CENPH: variants seen among roughly 807,000 people sequenced by gnomAD.
CENPH encodes centromere protein H.
A neutral mutation model predicts 42.9 loss-of-function variants in CENPH; 40 were observed. The ratio of observed to expected loss-of-function variants is 0.93; its 90% CI spans 0.72 to 1.21. CENPH has a LOEUF of 1.21. Ranked by LOEUF, CENPH falls within the 50% of genes most tolerant of loss-of-function variation. The probability of loss-of-function intolerance (pLI) is 0.00; values close to 1 mark genes in which losing one functional copy is unlikely to be tolerated. For missense variants in CENPH, 302 were observed against 292.9 expected, an observed-to-expected ratio of 1.03 and a Z score of -0.23; for synonymous variants, 88 against 96.5, an observed-to-expected ratio of 0.91 and a Z score of 0.52.
chr5:69,203,968 A>G (rs1748099421), intron 7 of CENPH, among the ~76,000 whole-genome samples: 1 of 141,296 alleles, frequency 7.1e-6, no homozygotes, highest in South Asian at 2.2e-4. Flanking sequence ...ATTTATATGG[A>G]CATGGAAATT....
chr5:69,208,494 G>A (rs570752058), intron 8 of CENPH, 135 bp downstream of exon 8: 3 of 524,888 alleles, frequency 5.7e-6, no homozygotes, highest in Non-Finnish European at 6.8e-6. Context: ...GAGTAGCTGG[G>A]ATTACAGGCG....
At chr5:69,192,048 T>C (rs529934363) in intron 2 of CENPH, among the ~76,000 whole-genome samples, 198 bp downstream of exon 2, 8 of 152,038 alleles carry the variant, frequency 5.3e-5, no homozygotes, top group Non-Finnish European at 1.2e-4. Context: ...ACTGCGCCCG[T>C]CTAATTTTCT....
At chr5:69,200,717 A>ATTTTTTTTTTT (rs1554058445) in intron 5 of CENPH, among the ~76,000 whole-genome samples, 2 of 40,976 alleles carry the variant, frequency 4.9e-5, no homozygotes, top group Non-Finnish European at 1.2e-4. Context: ...GAATCAGCGT[A>ATTTTTTTTTTT]TCTTTTTTTT....
intron 2 of CENPH, among the ~76,000 whole-genome samples, chr5:69,194,010 T>C (rs930859546): frequency 2.0e-5 from 3 of 152,118 alleles, no homozygotes; most frequent in African/African-American, 7.2e-5. Flanking sequence ...CAAGTACATA[T>C]CAAATGCTCA....
At chr5:69,199,851 G>GC (rs1748029270) in intron 5 of CENPH, among the ~76,000 whole-genome samples, 1 of 152,060 alleles carries the variant, frequency 6.6e-6, no homozygotes, top group Admixed American at 6.6e-5. Context: ...GGTGGCTCAC[G>GC]CCTGTAATCC....
chr5:69,204,034 T>TATATAAATATATATAATTTC (rs1460426166), intron 7 of CENPH, among the ~76,000 whole-genome samples: 4,758 of 62,076 alleles, frequency 0.077, 419 homozygotes, highest in African/African-American at 0.14. Context: ...ATATATATAA[T>TATATAAATATATATAATTTC]TATATATATT....
chr5:69,189,756 C>T lies in CENPH; in HGVS notation c.122C>T (p.Thr41Ile). The change falls in exon 1 of 9, where the codon ACC becomes ATC. Residue 41 changes from threonine to isoleucine, a missense_variant. Coordinates refer to ENST00000283006, the MANE Select transcript of CENPH (RefSeq NM_022909.4). ...AQAACSEDRMTLLLRLRAQTK... is the reference protein window; with the variant it reads ...AQAACSEDRMILLLRLRAQTK... ...GCGGCGTGCAGCGAGGACCGCATGA[C>T]CCTGCTCCTCAGGTTGTTCCCTTTG... The T allele has an allele frequency of 1.3e-6, 2 of 1,517,426 alleles. No homozygotes were observed. The highest frequency in any genetic ancestry group is 8.8e-7 in the Non-Finnish European group (1 of 1,136,704). The allele number at this position is 1,517,426 out of a possible 1,614,324, so 94.0% of individuals were successfully genotyped here. A position where few individuals can be genotyped will look rare whatever the true frequency, so the allele number is the denominator to read the frequency against.
chr5:69,189,660 A>T lies in CENPH; in HGVS notation c.26A>T (p.Asp9Val), dbSNP rs1747830133. The change falls in exon 1 of 9, where the codon GAC becomes GTC. Residue 9 changes from aspartate to valine, a missense_variant. Transcript: ENST00000283006. ...ATGGAGGAGCAGCCCCAGATGCAAGACGCCGACGAGCCCGCGGACTCCGGA... is the reference window on the plus strand; with the variant it reads ...ATGGAGGAGCAGCCCCAGATGCAAGTCGCCGACGAGCCCGCGGACTCCGGA... MEEQPQMQ[D>V]ADEPADSGGE... The T allele has an allele frequency of 6.2e-7, 1 of 1,601,150 alleles. No homozygotes were observed. Among genetic ancestry groups the T allele is most frequent in the Middle Eastern group, 2.2e-4 (1 of 4,608 alleles).
intron 5 of CENPH, among the ~76,000 whole-genome samples, chr5:69,198,522 C>T (rs937207136): frequency 3.3e-5 from 5 of 152,120 alleles, no homozygotes; most frequent in African/African-American, 1.2e-4. Flanking sequence ...CTAGGCACTT[C>T]TATCTTGAGT....
chr5:69,195,531 T>G (rs2112084108), intron 3 of CENPH, among the ~76,000 whole-genome samples, 186 bp from the exon 4 acceptor site: 1 of 152,320 alleles, frequency 6.6e-6, no homozygotes, highest in African/African-American at 2.4e-5. Context: ...TATAAGATAC[T>G]AAGTGAAGTA....
chr5:69,205,608 G>A (rs2112094563), intron 7 of CENPH, among the ~76,000 whole-genome samples: 2 of 151,682 alleles, frequency 1.3e-5, no homozygotes, highest in East Asian at 3.9e-4. Flanking sequence ...CAACTTCCTG[G>A]ACTCGAGCAA....
intron 4 of CENPH, among the ~76,000 whole-genome samples, 181 bp downstream of exon 4, chr5:69,195,972 A>C (rs1476722294): frequency 7.9e-5 from 12 of 151,958 alleles, no homozygotes; most frequent in Non-Finnish European, 1.8e-4. Flanking sequence ...ACAAGGTCTC[A>C]CTCTTGCCCA....
intron 5 of CENPH, among the ~76,000 whole-genome samples, chr5:69,201,103 G>A (rs1748053978): frequency 6.6e-6 from 1 of 151,942 alleles, no homozygotes; most frequent in Non-Finnish European, 1.5e-5. Flanking sequence ...TGGGATTACA[G>A]GCATGAGCCA....
Position 69,195,714 on chromosome 5 carries a change from T to C in CENPH, c.240-3T>C, listed in dbSNP as rs1747951517. On this transcript the variant is annotated splice_region_variant and splice_polypyrimidine_tract_variant and intron_variant, in intron 3 of 8. Transcript: ENST00000283006. ...AATTCTTTTGCTCATGTTTCTTTGA[T>C]AGTAAAATTGAAGACCTGGAAAATG... 1.3e-6 allele frequency: 2 copies of C among 1,519,080 alleles called. No homozygotes were observed. Among genetic ancestry groups the C allele is most frequent in the Non-Finnish European group, 1.8e-6 (2 of 1,105,108 alleles). 94.1% of individuals were successfully genotyped at this position (1,519,080 alleles called of 1,614,324 possible).
At chr5:69,192,747 G>A (rs116835989) in intron 2 of CENPH, among the ~76,000 whole-genome samples, 187 of 152,270 alleles carry the variant, frequency 1.2e-3, no homozygotes, top group African/African-American at 4.5e-3. Context: ...GGGCAACAGA[G>A]TGAGACTGTC....
intron 7 of CENPH, among the ~76,000 whole-genome samples, chr5:69,206,481 G>A (rs933782273): frequency 5.3e-5 from 8 of 149,878 alleles, no homozygotes; most frequent in East Asian, 2.0e-4. Context: ...GTGCCCAGCC[G>A]GTGTTTTGTT....
intron 5 of CENPH, among the ~76,000 whole-genome samples, chr5:69,199,703 G>A (rs1345847881): frequency 1.3e-5 from 2 of 152,138 alleles, no homozygotes; most frequent in African/African-American, 4.8e-5. Flanking sequence ...AGGTAAGACA[G>A]TTGTAACTTT....
At chr5:69,195,821 G>A in intron 4 of CENPH, 30 bp downstream of exon 4, 1 of 1,108,306 alleles carries the variant, frequency 9.0e-7, no homozygotes, top group Non-Finnish European at 1.3e-6. Flanking sequence ...TATAAGCATT[G>A]TGAACTGACT....
chr5:69,202,392 G>C, intron 5 of CENPH, 114 bp from the exon 6 acceptor site: 1 of 643,872 alleles, frequency 1.6e-6, no homozygotes, highest in Non-Finnish European at 2.8e-6. Context: ...CCAAGTGTAC[G>C]GTGGATTTAA....
Sources: allele counts gnomAD v4.1 joint callset (sites outside exome capture counted in the v4.1 genomes callset), GRCh38; gene constraint gnomAD v4.1.1; transcripts MANE v1.5; gene names NCBI Gene and HGNC (gene_info 2026-07-23, HGNC 2026-07-21).